The following CDK13 variants were observed in gnomAD, a reference collection of about 807,000 sequenced individuals.
The protein encoded by CDK13 is cyclin dependent kinase 13, also known as cyclin-dependent kinase 13.
CDK13 carries 40 observed loss-of-function variants against 137.6 expected under a neutral mutation model. The ratio of observed to expected loss-of-function variants is 0.29; its 90% confidence interval spans 0.23 to 0.38. The LOEUF (loss-of-function observed/expected upper bound fraction) is 0.38, where lower values mean the gene tolerates loss of function less well. Among genes scored for constraint, CDK13 ranks in the 10% least tolerant of loss-of-function variants. The pLI is 1.00. For synonymous variants in CDK13, 869 were observed against 760.1 expected (o/e 1.14, Z -2.36); for missense variants, 1,704 against 1,951.8 (o/e 0.87, Z 2.39).
chr7:40,038,312 TTAG>T (rs906078240), intron 5 of CDK13, among the ~76,000 whole-genome samples: 36 of 152,326 alleles, frequency 2.4e-4, no homozygotes, highest in African/African-American at 8.2e-4. Flanking sequence ...AATCATTTTG[TTAG>T]TAGACAAAAA....
intron 1 of CDK13, among the ~76,000 whole-genome samples, chr7:39,973,925 T>G (rs1308248743): frequency 1.3e-5 from 2 of 152,234 alleles, no homozygotes; most frequent in African/African-American, 4.8e-5. Flanking sequence ...TACTCTGAAT[T>G]CTGTTCCATT....
intron 1 of CDK13, among the ~76,000 whole-genome samples, chr7:39,976,358 C>CACACA (rs1368250288): frequency 6.8e-6 from 1 of 147,208 alleles, no homozygotes; most frequent in Non-Finnish European, 1.5e-5. Flanking sequence ...CACACACACA[C>CACACA]AGAAACAAAT....
chr7:40,024,836 G>A (rs1785210442), intron 5 of CDK13, among the ~76,000 whole-genome samples: 1 of 151,880 alleles, frequency 6.6e-6, no homozygotes, highest in African/African-American at 2.4e-5. Context: ...GCTAATTTTT[G>A]TATTTTTAGT....
At chr7:39,954,688 C>T (rs749981646) in intron 1 of CDK13, among the ~76,000 whole-genome samples, 8 of 152,192 alleles carry the variant, frequency 5.3e-5, no homozygotes, top group Non-Finnish European at 1.0e-4. Flanking sequence ...CTATGCAGAA[C>T]TTACATATTA....
chr7:40,089,146 AAGGGAAGGCC>A (rs1786857721), intron 12 of CDK13, among the ~76,000 whole-genome samples: 1 of 151,764 alleles, frequency 6.6e-6, no homozygotes, highest in African/African-American at 2.4e-5. Context: ...AAAATATGAG[AAGGGAAGGCC>A]AGGCATGGTG....
At chr7:40,081,362 G>A (rs543707744) in intron 11 of CDK13, among the ~76,000 whole-genome samples, 1 of 152,198 alleles carries the variant, frequency 6.6e-6, no homozygotes, top group African/African-American at 2.4e-5. Context: ...ACATTTTTAA[G>A]TAGAGCAATT....
chr7:40,034,316 C>T (rs1373842974), intron 5 of CDK13, among the ~76,000 whole-genome samples: 1 of 152,096 alleles, frequency 6.6e-6, no homozygotes, highest in Non-Finnish European at 1.5e-5. Context: ...CAGTGGTTTG[C>T]CCTGTGACTC....
At chr7:39,962,448 C>T (rs773414) in intron 1 of CDK13, among the ~76,000 whole-genome samples, 68,406 of 152,040 alleles carry the variant, frequency 0.45, 17,539 homozygotes, top group East Asian at 0.63. Context: ...CGAGAAGTGT[C>T]TGTTCATATC....
intron 7 of CDK13, among the ~76,000 whole-genome samples, chr7:40,050,662 G>A (rs1785866534): frequency 6.6e-6 from 1 of 152,134 alleles, no homozygotes; most frequent in Admixed American, 6.6e-5. Context: ...CAAAGTGCTG[G>A]GATTATAGGC....
chr7:39,971,491 T>G (rs1166740629), intron 1 of CDK13, among the ~76,000 whole-genome samples: 1 of 152,114 alleles, frequency 6.6e-6, no homozygotes, highest in East Asian at 1.9e-4. Flanking sequence ...CACTCCAGCC[T>G]GGGCAACAGA....
At chr7:39,959,056 G>T (rs1787520402) in intron 1 of CDK13, among the ~76,000 whole-genome samples, 1 of 152,096 alleles carries the variant, frequency 6.6e-6, no homozygotes. Flanking sequence ...CTTCCAAAGT[G>T]CTGGGATTAT....
chr7:40,086,052 A>G (rs1272977798), intron 11 of CDK13, among the ~76,000 whole-genome samples: 1 of 152,172 alleles, frequency 6.6e-6, no homozygotes, highest in Non-Finnish European at 1.5e-5. Flanking sequence ...ATGTACTCAT[A>G]AAAGGTTATA....
chr7:39,987,979 C>CT lies in CDK13; in HGVS notation c.1595dup (p.Leu532PhefsTer4). The stretch of plus-strand genomic sequence containing the variant: ...GCACCTTCTCCCTCAAGTGGTGGAA[C>CT]TTTAAAAAATGACAAAGCAAAAACA... On this transcript the variant is annotated frameshift_variant, in exon 2 of 14. Coordinates refer to ENST00000181839, the MANE Select transcript of CDK13 (RefSeq NM_003718.5). LOFTEE classifies it high-confidence loss of function. 1 of 1,614,008 alleles carries CT rather than the reference C, an allele frequency of 6.2e-7. No individual in the cohort carries two copies. The highest frequency in any genetic ancestry group is 8.5e-7 in the Non-Finnish European group (1 of 1,179,970).
intron 12 of CDK13, among the ~76,000 whole-genome samples, chr7:40,091,556 T>A (rs1157506386): frequency 6.6e-6 from 1 of 150,962 alleles, no homozygotes; most frequent in African/African-American, 2.4e-5. Flanking sequence ...GAAAAAAGGA[T>A]GAATCCTCTG....
At chr7:39,970,592 C>T (rs1783977595) in intron 1 of CDK13, among the ~76,000 whole-genome samples, 1 of 151,936 alleles carries the variant, frequency 6.6e-6, no homozygotes, top group Admixed American at 6.6e-5. Context: ...TCCCCAGTAG[C>T]TGGGATTACA....
At chr7:39,961,777 C>T (rs1323351650) in intron 1 of CDK13, among the ~76,000 whole-genome samples, 2 of 151,918 alleles carry the variant, frequency 1.3e-5, no homozygotes, top group Non-Finnish European at 2.9e-5. Flanking sequence ...CTAATGCTAT[C>T]CCTCCTCCCT....
intron 5 of CDK13, among the ~76,000 whole-genome samples, chr7:40,032,060 C>T (rs1387683298): frequency 1.3e-5 from 2 of 151,766 alleles, no homozygotes. Context: ...AGTTGTTCTT[C>T]GGTTGTTTTG....
intron 1 of CDK13, among the ~76,000 whole-genome samples, chr7:39,958,666 A>G (rs1417834929): frequency 6.6e-6 from 1 of 152,126 alleles, no homozygotes; most frequent in African/African-American, 2.4e-5. Flanking sequence ...TGTTTGGCTG[A>G]ATCCACTTTG....
intron 5 of CDK13, among the ~76,000 whole-genome samples, chr7:40,036,840 T>C (rs562050499): frequency 6.6e-6 from 1 of 152,150 alleles, no homozygotes; most frequent in Non-Finnish European, 1.5e-5. Flanking sequence ...AGAGACCTTA[T>C]AGTTAACAAA....
Sources: gnomAD v4.1 joint callset for allele counts (sites outside exome capture counted in the v4.1 genomes callset) on GRCh38, gnomAD v4.1.1 for gene constraint, MANE v1.5 for transcripts, NCBI Gene and HGNC (gene_info 2026-07-23, HGNC 2026-07-21) for gene names.